CC2D2A: variants seen among roughly 807,000 people sequenced by gnomAD.
CC2D2A encodes the protein coiled-coil and C2 domain-containing protein 2A.
In CC2D2A, 155 loss-of-function variants were observed where a neutral mutation model predicts 212.9. The observed-to-expected ratio is 0.73, with a 90% CI of 0.64 to 0.83. The LOEUF is 0.83. CC2D2A is among the 40% of genes least tolerant of loss of function. The pLI, the probability that CC2D2A is intolerant of heterozygous loss-of-function variation, is 0.00. For synonymous variants in CC2D2A, 667 were observed against 686.5 expected, an observed-to-expected ratio of 0.97 and a Z score of 0.44; for missense variants, 1,856 against 1,956.2, an observed-to-expected ratio of 0.95 and a Z score of 0.97.
Position 15,580,184 on chromosome 4 carries a change from T to C in CC2D2A, c.3975+13T>C, listed in dbSNP as rs752196680. ...ACAGGCAACTGCAGTAAGTATTTCA[T>C]AGTCAATAAGTGCTGTGCTAAAACT... On this transcript the variant is annotated intron_variant, in intron 30 of 36. Coordinates refer to ENST00000424120, the MANE Select transcript of CC2D2A (RefSeq NM_001378615.1). The C allele has an allele frequency of 1.9e-6, 3 of 1,597,366 alleles. No homozygotes were observed. Among genetic ancestry groups the C allele is most frequent in the South Asian group, 1.1e-5 (1 of 90,524 alleles).
In CC2D2A at chr4:15,516,733, G is replaced by C. The variant is rs765768907; in HGVS notation, c.1126G>C (p.Glu376Gln). Residue 376 changes from glutamate (E) to glutamine (Q), a missense_variant, in exon 11 of 37, where the codon GAG becomes CAG. By Grantham distance (29) the Glu-to-Gln change is conservative. Transcript: ENST00000424120. ...AACACAGGAGCAGAGCATTAAGGCA[G>C]AGCTTGAAACACTGTATAAAAAGGT... is the stretch of plus-strand genomic sequence containing the variant. ...VLTQEQSIKA[E>Q]LETLYKKAVK... is the part of the protein sequence containing the mutation. 2 of 1,612,794 alleles carry C rather than the reference G, an allele frequency of 1.2e-6. No homozygotes were observed. The highest frequency in any genetic ancestry group is 1.7e-4 in the Middle Eastern group (1 of 6,060).
At chr4:15,568,574 C>T (rs1432361386) in intron 26 of CC2D2A, among the ~76,000 whole-genome samples, 2 of 152,170 alleles carry the variant, frequency 1.3e-5, no homozygotes, top group South Asian at 4.1e-4. Flanking sequence ...AGCGAGAGAG[C>T]GAGACTCTGT....
At chr4:15,496,435 A>T (rs969252578) in intron 4 of CC2D2A, among the ~76,000 whole-genome samples, 1 of 152,132 alleles carries the variant, frequency 6.6e-6, no homozygotes, top group African/African-American at 2.4e-5. Flanking sequence ...AGTCTTCTGC[A>T]CATGGCTAGC....
intron 33 of CC2D2A, among the ~76,000 whole-genome samples, chr4:15,593,631 T>G (rs1721200511): frequency 6.6e-6 from 1 of 152,158 alleles, no homozygotes; most frequent in African/African-American, 2.4e-5. Flanking sequence ...CTTTCCCATC[T>G]CAATAAATGT....
intron 4 of CC2D2A, among the ~76,000 whole-genome samples, chr4:15,497,898 A>G (rs1028400228): frequency 6.6e-6 from 1 of 152,234 alleles, no homozygotes; most frequent in Admixed American, 6.5e-5. Flanking sequence ...AATGAAAAAC[A>G]TAGGTGAGGC....
chr4:15,483,195 G>A (rs1234997406), intron 4 of CC2D2A, among the ~76,000 whole-genome samples: 4 of 152,246 alleles, frequency 2.6e-5, no homozygotes, highest in Admixed American at 2.6e-4. Context: ...AGTGGCATTA[G>A]AGCAGGAGAC....
chr4:15,499,648 T>G (rs1165778020), intron 4 of CC2D2A, among the ~76,000 whole-genome samples: 1 of 152,174 alleles, frequency 6.6e-6, no homozygotes, highest in Non-Finnish European at 1.5e-5. Flanking sequence ...GTAATAACTG[T>G]TTTATGAAAA....
At chr4:15,526,122 C>T (rs1717498242) in intron 11 of CC2D2A, among the ~76,000 whole-genome samples, 1 of 152,176 alleles carries the variant, frequency 6.6e-6, no homozygotes, top group African/African-American at 2.4e-5. Context: ...CTGCACATCC[C>T]AGACTTCATG....
chr4:15,585,990 T>C (rs1428467068), intron 30 of CC2D2A, among the ~76,000 whole-genome samples, 167 bp from the exon 31 acceptor site: 1 of 152,220 alleles, frequency 6.6e-6, no homozygotes, highest in Admixed American at 6.5e-5. Flanking sequence ...ACCTTCCATA[T>C]AGGATGTTTG....
intron 24 of CC2D2A, among the ~76,000 whole-genome samples, chr4:15,566,833 G>C (rs766613447): frequency 1.1e-4 from 16 of 152,056 alleles, no homozygotes; most frequent in Non-Finnish European, 2.2e-4. Flanking sequence ...AAATTAGCTG[G>C]GCATGGTGGA....
At chr4:15,470,615 C>A (rs1398818148) in intron 1 of CC2D2A, among the ~76,000 whole-genome samples, 4 of 145,308 alleles carry the variant, frequency 2.8e-5, no homozygotes, top group Non-Finnish European at 6.0e-5. Context: ...TTTCATATAA[C>A]CTTTTCTGCA....
intron 3 of CC2D2A, 53 bp downstream of exon 3, chr4:15,478,859 CCTG>C (rs1482719205): frequency 1.5e-5 from 20 of 1,377,116 alleles, no homozygotes; most frequent in Admixed American, 2.0e-5. Flanking sequence ...CAACAACCCG[CCTG>C]CATCCCCAGG....
intron 20 of CC2D2A, among the ~76,000 whole-genome samples, chr4:15,555,508 G>A (rs962163632): frequency 1.3e-5 from 2 of 152,252 alleles, no homozygotes; most frequent in African/African-American, 4.8e-5. Context: ...GGAGGCCAAG[G>A]AAGGAGGATC....
rs575719894 is a variant in CC2D2A, at chr4:15,547,894, C to T, written c.2182-2930C>T. Among the ~76,000 whole-genome samples the T allele has an allele frequency of 3.3e-5, 5 of 151,816 alleles. No homozygotes were observed. The South Asian group carries it at 6.3e-4, about 19-fold the overall frequency. ...GTCTCTATTAAAAATAGAAAATTAG[C>T]GGGGCGTGGTGGTGCATGCCTGTAA... On this transcript the variant is annotated intron_variant, in intron 17 of 36. Coordinates refer to ENST00000424120, the MANE Select transcript of CC2D2A (RefSeq NM_001378615.1).
intron 14 of CC2D2A, among the ~76,000 whole-genome samples, chr4:15,534,201 T>C (rs954617862): frequency 5.9e-5 from 9 of 152,234 alleles, no homozygotes; most frequent in Admixed American, 3.9e-4. Flanking sequence ...TGGTAATTTG[T>C]AGGCATTCTG....
intron 4 of CC2D2A, among the ~76,000 whole-genome samples, chr4:15,490,502 T>C (rs550734182): frequency 1.3e-5 from 2 of 152,362 alleles, no homozygotes; most frequent in East Asian, 3.9e-4. Context: ...GTTGATGAAT[T>C]ATATTTCATC....
rs1050609005 is a variant in CC2D2A at position 15,569,401 on chromosome 4, G to C, written c.3495+12G>C. The C allele has an allele frequency of 6.8e-7, 1 of 1,470,104 alleles. No homozygotes were observed. Among genetic ancestry groups the C allele is most frequent in the African/African-American group, 1.4e-5 (1 of 71,840 alleles). The allele number at this position is 1,470,104 out of a possible 1,614,324, so 91.1% of individuals were successfully genotyped here. Reference sequence around the variant, plus strand: ...ATGATGTCTTAGAGGTAAGTTCTCAGTTTTAAGAAAGACACTTGTATTCAC... The same window carrying C: ...ATGATGTCTTAGAGGTAAGTTCTCACTTTTAAGAAAGACACTTGTATTCAC... On this transcript the variant is annotated intron_variant, in intron 27 of 36. Transcript: ENST00000424120.
intron 21 of CC2D2A, among the ~76,000 whole-genome samples, chr4:15,558,500 G>A (rs190178873): frequency 5.9e-4 from 89 of 152,134 alleles, no homozygotes; most frequent in African/African-American, 2.1e-3. Context: ...TCTTTGATGT[G>A]TTGGCATCAT....
chr4:15,599,733 A>C, intron 36 of CC2D2A, 27 bp downstream of exon 36: 1 of 1,542,246 alleles, frequency 6.5e-7, no homozygotes, highest in Non-Finnish European at 8.8e-7. Context: ...TCCTAAACTG[A>C]CTGTGGATTT....
Sources: allele counts gnomAD v4.1 joint callset (sites outside exome capture counted in the v4.1 genomes callset), GRCh38; gene constraint gnomAD v4.1.1; transcripts MANE v1.5; gene names NCBI Gene and HGNC (gene_info 2026-07-23, HGNC 2026-07-21).